Variants in CHODL observed in about 807,000 individuals in gnomAD.
The protein encoded by CHODL is transmembrane protein MT75.
In CHODL, 29 loss-of-function variants were observed where a neutral mutation model predicts 34.5. That is an observed-to-expected ratio of 0.84 (90% CI 0.63 to 1.15). The LOEUF (loss-of-function observed/expected upper bound fraction) is 1.15. Ranked by LOEUF, CHODL falls within the 50% of genes most tolerant of loss-of-function variation. The probability of loss-of-function intolerance (pLI) is 0.00; values close to 1 mark genes in which losing one functional copy is unlikely to be tolerated. For missense variants in CHODL, 332 were observed against 332.5 expected (o/e 1.00, Z 0.01); for synonymous variants, 125 against 116.1 (o/e 1.08, Z -0.49).
At chr21:17,976,005 T>C (rs1389994641) in intron 1 of CHODL, among the ~76,000 whole-genome samples, 1 of 152,154 alleles carries the variant, frequency 6.6e-6, no homozygotes, top group Non-Finnish European at 1.5e-5. Flanking sequence ...ATATGCTATA[T>C]TTTATCACCT....
At chr21:18,162,410 T>TC (rs1388504537) in intron 2 of CHODL, among the ~76,000 whole-genome samples, 14 of 56,986 alleles carry the variant, frequency 2.5e-4, no homozygotes, top group African/African-American at 5.8e-4. Context: ...CACGTGGTGT[T>TC]TTCTCTCTCT....
intron 2 of CHODL, among the ~76,000 whole-genome samples, chr21:18,091,903 A>G (rs1285396743): frequency 1.3e-5 from 2 of 152,146 alleles, no homozygotes; most frequent in African/African-American, 4.8e-5. Context: ...AGGACTTTGT[A>G]TTGTGGTTTG....
At chr21:18,191,993 T>C (rs1372855469) in intron 2 of CHODL, among the ~76,000 whole-genome samples, 1 of 152,216 alleles carries the variant, frequency 6.6e-6, no homozygotes, top group Non-Finnish European at 1.5e-5. Context: ...AGTCTTTAGA[T>C]GTTTCCTTGG....
chr21:18,262,831 A>T lies in CHODL; in HGVS notation c.675A>T (p.Ile225=). Residue 225 remains isoleucine (I), a synonymous_variant, in exon 5 of 6, where the codon ATA becomes ATT. Coordinates refer to ENST00000299295, the MANE Select transcript of CHODL (RefSeq NM_024944.3). ...PNLIYVVIPT[I]PLLLLILVAF... ...TAATTTATGTTGTTATACCAACAAT[A>T]CCCCTGCTCTTACTGATACTGGTTG... is the stretch of plus-strand genomic sequence containing the variant. 26 of 1,609,498 alleles carry T rather than the reference A, an allele frequency of 1.6e-5. No homozygotes were observed. Among genetic ancestry groups the T allele is most frequent in the Non-Finnish European group, 2.0e-5 (24 of 1,176,330 alleles).
chr21:18,177,613 G>A lies in CHODL; in HGVS notation c.-44-78896G>A, dbSNP rs189008387. Among the ~76,000 whole-genome samples the A allele has an allele frequency of 1.1e-4, 17 of 152,180 alleles. No homozygotes were observed. The East Asian group carries it at 3.3e-3, about 29-fold the overall frequency. ...AATGCACAGATACTTCATAGACAGA[G>A]GGATAATGCCAGAAAATGTGCCAAC... On this transcript the variant is annotated intron_variant, in intron 2 of 6. Transcript: ENST00000400127.
At chr21:18,102,364 G>A (rs993299974) in intron 2 of CHODL, among the ~76,000 whole-genome samples, 3 of 152,188 alleles carry the variant, frequency 2.0e-5, no homozygotes, top group African/African-American at 4.8e-5. Flanking sequence ...CTGACTGAAT[G>A]TTAGTAAGTT....
At chr21:18,109,088 T>C (rs1433061913) in intron 2 of CHODL, among the ~76,000 whole-genome samples, 2 of 152,186 alleles carry the variant, frequency 1.3e-5, no homozygotes, top group Non-Finnish European at 2.9e-5. Flanking sequence ...AGCTTTTGCA[T>C]TAATTATGTA....
intron 2 of CHODL, among the ~76,000 whole-genome samples, chr21:18,227,392 TTGTC>T (rs1430489785): frequency 1.3e-5 from 2 of 152,156 alleles, no homozygotes; most frequent in Non-Finnish European, 2.9e-5. Flanking sequence ...AAGATTTCCT[TTGTC>T]TGATATGTAC....
At chr21:18,009,398 G>T (rs749030461) in intron 1 of CHODL, among the ~76,000 whole-genome samples, 21 of 152,108 alleles carry the variant, frequency 1.4e-4, no homozygotes, top group Non-Finnish European at 1.0e-4. Context: ...AGGAGTTGAA[G>T]AATGGTTAAT....
intron 2 of CHODL, among the ~76,000 whole-genome samples, chr21:18,054,302 T>C (rs2146473685): frequency 6.6e-6 from 1 of 152,102 alleles, no homozygotes; most frequent in East Asian, 1.9e-4. Flanking sequence ...CAAGACCACA[T>C]GCAAATTCTA....
intron 2 of CHODL, chr21:18,134,278 G>T: frequency 5.9e-6 from 3 of 510,278 alleles, no homozygotes; most frequent in Non-Finnish European, 1.2e-5. Flanking sequence ...ATACTTGGAT[G>T]ATCTCTTTTG....
intron 1 of CHODL, among the ~76,000 whole-genome samples, chr21:18,021,064 CT>C (rs1306811458): frequency 2.0e-5 from 3 of 152,096 alleles, no homozygotes; most frequent in African/African-American, 7.2e-5. Flanking sequence ...CTATAGACCC[CT>C]AGTTGAATAT....
At chr21:18,038,634 T>C (rs1423643404) in intron 2 of CHODL, among the ~76,000 whole-genome samples, 5 of 151,748 alleles carry the variant, frequency 3.3e-5, no homozygotes, top group African/African-American at 1.2e-4. Context: ...GATGACCACT[T>C]AAAGTAAGTG....
chr21:18,179,320 T>C (rs1001579506), intron 2 of CHODL, among the ~76,000 whole-genome samples: 1 of 152,206 alleles, frequency 6.6e-6, no homozygotes, highest in East Asian at 1.9e-4. Context: ...TCGATTCCTG[T>C]CTTAATTACT....
rs542237368 is a variant in CHODL, at chr21:18,091,894, G to A, written c.-45+63923G>A. On this transcript the variant is annotated intron_variant, in intron 2 of 6. Transcript: ENST00000400127. ...TGGAAAGGGGAAGGAAAAGTGGGAA[G>A]GACTTTGTATTGTGGTTTGAGTGCC... is the stretch of plus-strand genomic sequence containing the variant. Among the ~76,000 whole-genome samples, 9 of 152,270 alleles carry A rather than the reference G, an allele frequency of 5.9e-5. No homozygotes were observed. In the East Asian group the frequency reaches 1.7e-3, roughly 30 times the overall value.
At chr21:18,232,045 A>G (rs2146756387) in intron 2 of CHODL, among the ~76,000 whole-genome samples, 1 of 152,048 alleles carries the variant, frequency 6.6e-6, no homozygotes, top group Middle Eastern at 3.4e-3. Flanking sequence ...GTTGAACTTG[A>G]TGTTTGGCAA....
At chr21:18,043,516 G>A (rs745558889) in intron 2 of CHODL, among the ~76,000 whole-genome samples, 4 of 151,964 alleles carry the variant, frequency 2.6e-5, no homozygotes, top group African/African-American at 4.8e-5. Context: ...GACTCAAAGT[G>A]TGTTACTTGT....
chr21:17,998,788 G>A lies in CHODL; in HGVS notation c.-144-29084G>A, dbSNP rs986317842. Among the ~76,000 whole-genome samples the A allele has an allele frequency of 5.3e-5, 8 of 152,192 alleles. No homozygotes were observed. In the South Asian group the frequency reaches 6.2e-4, roughly 12 times the overall value. On this transcript the variant is annotated intron_variant, in intron 1 of 6. Transcript: ENST00000400127. ...AGGCTGCATACAGCTTGGGGACCCC[G>A]GGCCCAGCCCACAAAACCACTTTTT...
intron 1 of CHODL, among the ~76,000 whole-genome samples, chr21:17,971,928 C>A (rs2063617983): frequency 6.6e-6 from 1 of 152,166 alleles, no homozygotes; most frequent in Non-Finnish European, 1.5e-5. Context: ...TACTGGCAAA[C>A]TGAATCCAGC....
Sources: allele counts gnomAD v4.1 joint callset (sites outside exome capture counted in the v4.1 genomes callset), GRCh38; gene constraint gnomAD v4.1.1; transcripts MANE v1.5; gene names NCBI Gene and HGNC (gene_info 2026-07-23, HGNC 2026-07-21).